Variants in TCP11 observed in about 807,000 individuals in gnomAD.
The protein encoded by TCP11 is T-complex protein 11 homolog.
A neutral mutation model predicts 45.0 loss-of-function variants in TCP11; 34 were observed. The ratio of observed to expected loss-of-function variants is 0.76; its 90% CI spans 0.57 to 1.01. The LOEUF (loss-of-function observed/expected upper bound fraction) is 1.01, where lower values mean the gene tolerates loss of function less well. TCP11 is among the 50% of genes least tolerant of loss of function. TCP11 has a pLI of 0.00. For synonymous variants in TCP11, 227 were observed against 227.0 expected (o/e 1.00, Z 0.00); for missense variants, 523 against 598.1 (o/e 0.87, Z 1.31).
At position 35,119,286 on chromosome 6, in the gene TCP11, A is replaced by G; in HGVS notation, c.1221T>C (p.Ser407=). Residue 407 remains serine (S), a synonymous_variant, in exon 9 of 10, where the codon TCT becomes TCC. Coordinates refer to ENST00000311875, the MANE Select transcript of TCP11 (RefSeq NM_001370687.1). ...CAATGTTCTGGAGCTGTCCCATTAG[A>G]GATGCTGTATTATCACTGCTTAGAG... ...LVALSSDNTA[S]LMGQLQNIAK... is the part of the protein sequence containing the mutation. 1 of 1,614,204 alleles carries G rather than the reference A, an allele frequency of 6.2e-7. No individual in the cohort carries two copies. The highest frequency in any genetic ancestry group is 8.5e-7 in the Non-Finnish European group (1 of 1,180,036).
intron 2 of TCP11, chr6:35,139,920 T>C (rs1170846907): frequency 2.4e-6 from 3 of 1,255,588 alleles, no homozygotes; most frequent in Admixed American, 4.5e-5. Flanking sequence ...AGGAATTTGA[T>C]TATTCATTTT....
chr6:35,122,667 T>TTA (rs1317988116), intron 4 of TCP11, among the ~76,000 whole-genome samples: 1 of 152,100 alleles, frequency 6.6e-6, no homozygotes, highest in Non-Finnish European at 1.5e-5. Flanking sequence ...TCTCTTAACT[T>TTA]TAAAAGGGAG....
chr6:35,136,173 T>C lies in TCP11; in HGVS notation c.170A>G (p.Lys57Arg), dbSNP rs202046288. 86 of 1,613,688 alleles carry C rather than the reference T, an allele frequency of 5.3e-5. No individual in the cohort carries two copies. The African/African-American group carries it at 8.4e-4, about 16-fold the overall frequency. ...ATTCATCCCAATCTTGTTGCTCAGC[T>C]TGGAAACTTCATTAACGGTTTCTGT... ...GLTETVNEVS[K>R]LSNKIGMNCD... The change falls in exon 3 of 10, where the codon AAG becomes AGG. Residue 57 changes from lysine (K) to arginine (R), a missense_variant. Around this residue, in one of 2 missense-constraint regions of TCP11, gnomAD observed 225 missense variants for 210.2 expected, o/e 1.07. Transcript: ENST00000311875.
intron 4 of TCP11, among the ~76,000 whole-genome samples, chr6:35,123,124 A>G (rs1779466283): frequency 6.6e-6 from 1 of 152,176 alleles, no homozygotes; most frequent in African/African-American, 2.4e-5. Flanking sequence ...AGAAACTGCA[A>G]GAGAAAAGGG....
chr6:35,134,788 C>G (rs1177183382), intron 3 of TCP11, among the ~76,000 whole-genome samples: 1 of 152,048 alleles, frequency 6.6e-6, no homozygotes, highest in Non-Finnish European at 1.5e-5. Context: ...CAACTGTATT[C>G]ACATCTTTGT....
At position 35,118,454 on chromosome 6, in the gene TCP11, G is replaced by A; in HGVS notation, c.1327C>T (p.Gln443Ter). 2 of 1,614,178 alleles carry A rather than the reference G, an allele frequency of 1.2e-6. No homozygotes were observed. Among genetic ancestry groups the A allele is most frequent in the Non-Finnish European group, 8.5e-7 (1 of 1,180,034 alleles). The change falls in exon 10 of 10, where the codon CAG becomes TAG. Residue 443 changes from glutamine to a stop codon, truncating the protein, a stop_gained. Coordinates refer to ENST00000311875, the MANE Select transcript of TCP11 (RefSeq NM_001370687.1). LOFTEE classifies it low-confidence loss of function (END_TRUNC). ...CCAGGAAGGTCTAATAGAGACCGCTGCACACCAAGAACCAAACAGCATTTG... is the reference window on the plus strand; with the variant it reads ...CCAGGAAGGTCTAATAGAGACCGCTACACACCAAGAACCAAACAGCATTTG... ...FLKCCLVLGV[Q>*]RSLLDLPGGL...
intron 4 of TCP11, among the ~76,000 whole-genome samples, chr6:35,125,183 C>CAAA (rs35594738): frequency 1.4e-5 from 1 of 71,040 alleles, no homozygotes; most frequent in Non-Finnish European, 2.8e-5. Flanking sequence ...GACTCTGTCT[C>CAAA]AAAAAAAAAA....
Position 35,120,662 on chromosome 6 carries a change from G to A in TCP11, c.716-16C>T, listed in dbSNP as rs568312260. On this transcript the variant is annotated splice_polypyrimidine_tract_variant and intron_variant, in intron 6 of 9. Coordinates refer to ENST00000311875, the MANE Select transcript of TCP11 (RefSeq NM_001370687.1). The surrounding 1 kb of genome is among the most constrained non-coding windows in gnomAD (Gnocchi z 4.9). ...TTAAGGAGACCTATGACAGGTAAGG[G>A]AGTGTGTAAGCATCTTTAGCATCTT... 4.4e-6 allele frequency: 7 copies of A among 1,608,908 alleles called. No homozygotes were observed. In the South Asian group the frequency reaches 7.8e-5, roughly 18 times the overall value.
intron 3 of TCP11, among the ~76,000 whole-genome samples, chr6:35,129,928 C>T (rs912954738): frequency 6.6e-6 from 1 of 152,124 alleles, no homozygotes; most frequent in African/African-American, 2.4e-5. Context: ...GCATGAGCCA[C>T]CGTGCCAGCT....
chr6:35,128,792 C>A (rs73405733), intron 4 of TCP11: 31 of 329,888 alleles, frequency 9.4e-5, no homozygotes, highest in African/African-American at 6.4e-4. Context: ...TCTCTCAGCC[C>A]TAAGGGTATG....
Position 35,141,321 on chromosome 6 carries a change from A to T in TCP11, c.-131T>A. 8.0e-7 allele frequency: 1 copy of T among 1,245,768 alleles called. No individual in the cohort carries two copies. The highest frequency in any genetic ancestry group is 1.0e-6 in the Non-Finnish European group (1 of 985,076). 77.2% of individuals were successfully genotyped at this position (1,245,768 alleles called of 1,614,324 possible). On this transcript the variant is annotated 5_prime_UTR_variant, in exon 1 of 10. Coordinates refer to ENST00000311875, the MANE Select transcript of TCP11 (RefSeq NM_001370687.1). ...CGGGTTGGGGCGTCGCACGGTGAGA[A>T]AGGCCGGGGCCTGAGAACAAACCGC...
In TCP11 at chr6:35,140,537, C is replaced by T. The variant is rs967946408; in HGVS notation, c.124+210G>A. 41 of 663,194 alleles carry T rather than the reference C, an allele frequency of 6.2e-5. No individual in the cohort carries two copies. In the Admixed American group the frequency reaches 8.2e-4, roughly 13 times the overall value. 41.1% of individuals were successfully genotyped at this position (663,194 alleles called of 1,614,324 possible). ...TCAAATCTTGTCAGATTCAAGTAAT[C>T]ACGCTTGGGTCACTTCTTTCTCTAG... On this transcript the variant is annotated intron_variant, in intron 2 of 9. Transcript: ENST00000311875.
At chr6:35,137,777 A>G (rs1417191453) in intron 2 of TCP11, 1 of 455,250 alleles carries the variant, frequency 2.2e-6, no homozygotes, top group Non-Finnish European at 4.4e-6. Flanking sequence ...GATTTTTCAC[A>G]GAAAATTATT....
At chr6:35,128,971 A>C in intron 4 of TCP11, 91 bp downstream of exon 4, 1 of 1,514,360 alleles carries the variant, frequency 6.6e-7, no homozygotes, top group Non-Finnish European at 9.0e-7. Flanking sequence ...TGATTCATGG[A>C]CCATGTTCAG....
At chr6:35,140,196 G>A in intron 2 of TCP11, 2 of 1,544,370 alleles carry the variant, frequency 1.3e-6, no homozygotes, top group Admixed American at 1.9e-5. Context: ...CACACGGACA[G>A]CTCCTCAGTT....
intron 8 of TCP11, 33 bp from the exon 9 acceptor site, chr6:35,119,424 C>G (rs773741360): frequency 3.1e-5 from 50 of 1,608,436 alleles, no homozygotes; most frequent in Non-Finnish European, 4.2e-5. Context: ...CTGGCACCCA[C>G]CAGGTAACCC....
intron 4 of TCP11, among the ~76,000 whole-genome samples, chr6:35,127,297 G>A (rs552579220): frequency 6.6e-6 from 1 of 152,302 alleles, no homozygotes; most frequent in Admixed American, 6.5e-5. Flanking sequence ...GACCATGCCT[G>A]AAACTCAGGA....
At chr6:35,121,979 G>C in intron 5 of TCP11, 138 bp downstream of exon 5, 3 of 811,220 alleles carry the variant, frequency 3.7e-6, no homozygotes, top group Non-Finnish European at 6.0e-6. Flanking sequence ...GAATTGACCA[G>C]AGGGGAGAAA....
chr6:35,127,276 G>C (rs111487475), intron 4 of TCP11, among the ~76,000 whole-genome samples: 1,658 of 152,310 alleles, frequency 0.011, 30 homozygotes, highest in African/African-American at 0.037. Context: ...CCACACAATG[G>C]GGGTAAGAAA....
Sources: gnomAD v4.1 joint callset for allele counts (sites outside exome capture counted in the v4.1 genomes callset) on GRCh38, gnomAD v4.1.1 for gene constraint, gnomAD v4.1.1 regional missense constraint, Gnocchi (gnomAD v3.1) non-coding constraint, MANE v1.5 for transcripts, NCBI Gene and HGNC (gene_info 2026-07-23, HGNC 2026-07-21) for gene names.